VPS13A: variants seen among roughly 807,000 people sequenced by gnomAD.
VPS13A encodes the protein intermembrane lipid transfer protein VPS13A.
Under a neutral mutation model 390.9 loss-of-function variants are expected in VPS13A, and 264 were observed. The ratio of observed to expected loss-of-function variants is 0.68; its 90% CI spans 0.61 to 0.75. The LOEUF is 0.75. Ranked by LOEUF, VPS13A falls within the 30% of genes least tolerant of loss-of-function variation. VPS13A has a pLI of 0.00. For missense variants in VPS13A, 3,409 were observed against 3,733.9 expected, an observed-to-expected ratio of 0.91 and a Z score of 2.27; for synonymous variants, 1,231 against 1,227.1, an observed-to-expected ratio of 1.00 and a Z score of -0.07.
intron 67 of VPS13A, among the ~76,000 whole-genome samples, chr9:77,374,907 A>G (rs1832985306): frequency 6.6e-6 from 1 of 152,060 alleles, no homozygotes; most frequent in Non-Finnish European, 1.5e-5. Context: ...TTTCTGCTCT[A>G]TAGGGATATG....
chr9:77,386,041 TAA>T (rs368114469), intron 68 of VPS13A, among the ~76,000 whole-genome samples: 233 of 152,300 alleles, frequency 1.5e-3, no homozygotes, highest in African/African-American at 5.1e-3. Context: ...GTAAACATCA[TAA>T]AGTTGTTTTA....
chr9:77,292,050 C>G (rs987080695), intron 31 of VPS13A, among the ~76,000 whole-genome samples: 2 of 152,026 alleles, frequency 1.3e-5, no homozygotes, highest in African/African-American at 4.8e-5. Context: ...ACTGCCCTTC[C>G]CCTAGTTTCT....
chr9:77,258,986 A>T (rs1399742856), intron 22 of VPS13A, among the ~76,000 whole-genome samples: 2 of 152,138 alleles, frequency 1.3e-5, no homozygotes, highest in African/African-American at 4.8e-5. Flanking sequence ...ATGTCTTGTG[A>T]TGCAGGGAAT....
At chr9:77,181,359 T>A (rs1439462521) in intron 1 of VPS13A, among the ~76,000 whole-genome samples, 1 of 151,278 alleles carries the variant, frequency 6.6e-6, no homozygotes, top group Non-Finnish European at 1.5e-5. Flanking sequence ...AAAAATAAGA[T>A]ACAAAAATTA....
At chr9:77,390,582 A>G (rs1254279871) in intron 68 of VPS13A, among the ~76,000 whole-genome samples, 1 of 151,882 alleles carries the variant, frequency 6.6e-6, no homozygotes, top group Non-Finnish European at 1.5e-5. Flanking sequence ...GTGGAGGTTC[A>G]GGTTTTTTCT....
In VPS13A at chr9:77,340,470, A is replaced by G; in HGVS notation, c.6946A>G (p.Met2316Val). The change falls in exon 50 of 72, where the codon ATG (methionine) becomes GTG (valine). Residue 2316 changes from methionine to valine, a missense_variant. By Grantham distance (21) the Met-to-Val change is conservative (BLOSUM62 1). This residue lies in a region of VPS13A where 2,717 missense variants were observed against 2,917.4 expected (regional missense o/e 0.93). Coordinates refer to ENST00000360280, the MANE Select transcript of VPS13A (RefSeq NM_033305.3). The stretch of plus-strand genomic sequence containing the variant: ...AATTGTGACATTTACCCCTTTTTAT[A>G]TGATTAAAAACAAAAGCAAATACCA... ...TRIVTFTPFYMIKNKSKYHIS... is the reference protein window; with the variant it reads ...TRIVTFTPFYVIKNKSKYHIS... The G allele has an allele frequency of 6.2e-7, 1 of 1,613,360 alleles. No homozygotes were observed. Among genetic ancestry groups the G allele is most frequent in the Non-Finnish European group, 8.5e-7 (1 of 1,179,632 alleles).
intron 17 of VPS13A, among the ~76,000 whole-genome samples, chr9:77,230,549 G>A (rs1823770746): frequency 6.6e-6 from 1 of 152,012 alleles, no homozygotes; most frequent in Non-Finnish European, 1.5e-5. Flanking sequence ...ATAAATGTAA[G>A]GATTTCTAGA....
At chr9:77,393,761 C>G (rs1310456490) in intron 68 of VPS13A, among the ~76,000 whole-genome samples, 1 of 152,090 alleles carries the variant, frequency 6.6e-6, no homozygotes, top group Non-Finnish European at 1.5e-5. Flanking sequence ...CTTAAGGACT[C>G]TAGGATTTTT....
chr9:77,378,839 C>T (rs1425867256), intron 67 of VPS13A, among the ~76,000 whole-genome samples: 1 of 151,944 alleles, frequency 6.6e-6, no homozygotes, highest in Non-Finnish European at 1.5e-5. Context: ...AAATTTCCCT[C>T]TGAGCACTGT....
At chr9:77,211,179 G>A (rs930094215) in intron 7 of VPS13A, 1 of 153,812 alleles carries the variant, frequency 6.5e-6, no homozygotes, top group Admixed American at 6.5e-5. Context: ...TATTAAAATA[G>A]CCTATTTGCT....
At position 77,314,492 on chromosome 9, in the gene VPS13A, T is replaced by C. The variant is rs765665794; in HGVS notation, c.4243-3T>C. 3.7e-6 allele frequency: 6 copies of C among 1,611,364 alleles called. No individual in the cohort carries two copies. The African/African-American group carries it at 6.7e-5, about 18-fold the overall frequency. On this transcript the variant is annotated splice_polypyrimidine_tract_variant and splice_region_variant and intron_variant, in intron 36 of 71. Coordinates refer to ENST00000360280, the MANE Select transcript of VPS13A (RefSeq NM_033305.3). ...AATTTTGTGTTGGTTTCTCCTTTCA[T>C]AGGCTTCCTTTACAGATGTTCGTGA...
rs1314964266 is a variant in VPS13A, at chr9:77,366,801, A to G, written c.8400A>G (p.Pro2800=). 5 of 1,613,322 alleles carry G rather than the reference A, an allele frequency of 3.1e-6. No individual in the cohort carries two copies. The highest frequency in any genetic ancestry group is 4.2e-6 in the Non-Finnish European group (5 of 1,179,490). Residue 2800 remains proline (P), a synonymous_variant, in exon 61 of 72, where the codon CCA becomes CCG. Transcript: ENST00000360280. ...CAAAACAAAATGGAGGACTGATTCC[A>G]GTTCATTCTTTAAATCTTTTGCTGA... ...KDSKQNGGLI[P]VHSLNLLLKS...
chr9:77,355,960 T>C (rs1383896468), intron 54 of VPS13A, among the ~76,000 whole-genome samples: 1 of 152,178 alleles, frequency 6.6e-6, no homozygotes, highest in African/African-American at 2.4e-5. Context: ...TTTCTTTCCA[T>C]CCACTTCAAC....
intron 56 of VPS13A, 21 bp downstream of exon 56, chr9:77,357,859 A>G: frequency 6.2e-7 from 1 of 1,602,282 alleles, no homozygotes; most frequent in South Asian, 1.1e-5. Flanking sequence ...CTGAAAATAT[A>G]GGCAAAATTG....
In VPS13A at chr9:77,347,536, G is replaced by A. The variant is rs116974396; in HGVS notation, c.7289+2394G>A. On this transcript the variant is annotated intron_variant, in intron 52 of 71. Coordinates refer to ENST00000360280, the MANE Select transcript of VPS13A (RefSeq NM_033305.3). ...CTGTTGCCCAGGCTGGAGTGCAGTG[G>A]TGCGATCCAGGCTCACTGCAGCCTC... Among the ~76,000 whole-genome samples the A allele has an allele frequency of 5.6e-4, 85 of 152,142 alleles. 1 individual carries two copies. In the East Asian group the frequency reaches 0.015, roughly 26 times the overall value.
In VPS13A at chr9:77,305,290, C is replaced by T. The variant is rs566452760; in HGVS notation, c.3960+2228C>T. On this transcript the variant is annotated intron_variant, in intron 34 of 71. Coordinates refer to ENST00000360280, the MANE Select transcript of VPS13A (RefSeq NM_033305.3). ...ATATTCAGAGCATAAAACATGATGG[C>T]ATTATGAAAATCTTAGTGTGTAAGA... 3.9e-5 allele frequency among the ~76,000 whole-genome samples: 6 copies of T among 152,192 alleles called. No individual in the cohort carries two copies. The East Asian group carries it at 7.7e-4, about 20-fold the overall frequency.
intron 68 of VPS13A, among the ~76,000 whole-genome samples, chr9:77,400,841 A>AC (rs1834357427): frequency 6.6e-6 from 1 of 151,584 alleles, no homozygotes; most frequent in African/African-American, 2.4e-5. Flanking sequence ...AAAAAAAAAA[A>AC]AAGTTATTAA....
chr9:77,266,111 T>A lies in VPS13A; in HGVS notation c.2427+5887T>A, dbSNP rs528811267. ...ATGTAGTTGTGCGGTTTTGAGTGAG[T>A]TTCTTAATCCTGAGTTCTAACTGGA... On this transcript the variant is annotated intron_variant, in intron 23 of 71. Coordinates refer to ENST00000360280, the MANE Select transcript of VPS13A (RefSeq NM_033305.3). 2.7e-3 allele frequency among the ~76,000 whole-genome samples: 405 copies of A among 152,316 alleles called. 1 individual carries two copies. Among genetic ancestry groups the A allele is most frequent in the Non-Finnish European group, 4.5e-3 (308 of 68,024 alleles).
At chr9:77,349,956 T>C (rs1422391672) in intron 52 of VPS13A, among the ~76,000 whole-genome samples, 1 of 152,198 alleles carries the variant, frequency 6.6e-6, no homozygotes, top group Non-Finnish European at 1.5e-5. Context: ...GTTTATCTTC[T>C]AATAACGATC....
Sources: allele counts gnomAD v4.1 joint callset (sites outside exome capture counted in the v4.1 genomes callset), GRCh38; gene constraint gnomAD v4.1.1; regional missense constraint gnomAD v4.1.1; transcripts MANE v1.5; gene names NCBI Gene and HGNC (gene_info 2026-07-23, HGNC 2026-07-21).